The following HCN1 variants were observed in gnomAD, a reference collection of about 807,000 sequenced individuals.
The protein encoded by HCN1 is potassium/sodium hyperpolarization-activated cyclic nucleotide-gated channel 1.
HCN1 carries 13 observed loss-of-function variants against 78.9 expected under a neutral mutation model. That is an observed-to-expected ratio of 0.16 (90% confidence interval 0.11 to 0.26). The LOEUF (loss-of-function observed/expected upper bound fraction) is 0.26. Among genes scored for constraint, HCN1 ranks in the 10% least tolerant of loss-of-function variants. HCN1 has a pLI of 1.00. For missense variants in HCN1, 810 were observed against 1,154.3 expected (o/e 0.70, Z 4.32); for synonymous variants, 552 against 455.5 (o/e 1.21, Z -2.70).
chr5:45,374,924 T>C (rs906250971), intron 4 of HCN1, among the ~76,000 whole-genome samples: 1 of 144,374 alleles, frequency 6.9e-6, no homozygotes, highest in Admixed American at 7.4e-5. Flanking sequence ...AACTATACTA[T>C]AGTTCATGGA....
chr5:45,688,335 T>C (rs539920816), intron 1 of HCN1, among the ~76,000 whole-genome samples: 143 of 152,120 alleles, frequency 9.4e-4, no homozygotes, highest in Non-Finnish European at 1.6e-3. Context: ...ACTGAATTCC[T>C]GGCCCAGTTC....
At chr5:45,605,288 T>C (rs1744700948) in intron 2 of HCN1, among the ~76,000 whole-genome samples, 1 of 152,000 alleles carries the variant, frequency 6.6e-6, no homozygotes, top group African/African-American at 2.4e-5. Context: ...AAAACATTCA[T>C]GTCTTTAACT....
intron 6 of HCN1, among the ~76,000 whole-genome samples, chr5:45,289,324 A>T (rs1745328582): frequency 6.6e-6 from 1 of 152,044 alleles, no homozygotes; most frequent in Admixed American, 6.6e-5. Flanking sequence ...AGGTGAGTGG[A>T]GAATGAAAGT....
chr5:45,336,392 C>T (rs1028347209), intron 5 of HCN1, among the ~76,000 whole-genome samples: 8 of 152,048 alleles, frequency 5.3e-5, no homozygotes, highest in African/African-American at 1.7e-4. Flanking sequence ...TATTTTAGTG[C>T]ACAGTGGAAT....
intron 4 of HCN1, among the ~76,000 whole-genome samples, chr5:45,372,112 T>C (rs1393308193): frequency 3.4e-5 from 2 of 58,536 alleles, no homozygotes; most frequent in Non-Finnish European, 5.3e-5. Context: ...ATATATAATA[T>C]AATTATATAT....
chr5:45,314,824 T>A (rs927651548), intron 5 of HCN1, among the ~76,000 whole-genome samples: 10 of 152,252 alleles, frequency 6.6e-5, no homozygotes, highest in African/African-American at 2.2e-4. Flanking sequence ...AGAAGGCCAT[T>A]ACATAATGGT....
At chr5:45,322,342 G>A (rs1168452616) in intron 5 of HCN1, among the ~76,000 whole-genome samples, 1 of 151,670 alleles carries the variant, frequency 6.6e-6, no homozygotes, top group Non-Finnish European at 1.5e-5. Flanking sequence ...AGGGTCCACT[G>A]GTCTAAATGT....
At chr5:45,636,054 C>G (rs1745352238) in intron 2 of HCN1, among the ~76,000 whole-genome samples, 1 of 152,076 alleles carries the variant, frequency 6.6e-6, no homozygotes, top group Admixed American at 6.6e-5. Flanking sequence ...GTATATTTAA[C>G]ATTTTCATCA....
chr5:45,540,487 C>A (rs1013263972), intron 2 of HCN1, among the ~76,000 whole-genome samples: 12 of 151,958 alleles, frequency 7.9e-5, no homozygotes, highest in Non-Finnish European at 1.3e-4. Flanking sequence ...CAACACCATG[C>A]CTGGCTAATT....
intron 5 of HCN1, among the ~76,000 whole-genome samples, chr5:45,321,167 C>A (rs948226546): frequency 1.3e-5 from 2 of 151,740 alleles, no homozygotes; most frequent in Non-Finnish European, 2.9e-5. Context: ...GATCTCCCTA[C>A]ACAGCCCCCA....
chr5:45,410,656 C>G (rs934031987), intron 3 of HCN1, among the ~76,000 whole-genome samples: 1 of 152,038 alleles, frequency 6.6e-6, no homozygotes, highest in African/African-American at 2.4e-5. Flanking sequence ...ATAAATAAAG[C>G]TTCAATTACA....
At position 45,294,328 on chromosome 5, in the gene HCN1, C is replaced by T. The variant is rs1480489573; in HGVS notation, c.1618+9271G>A. Among the ~76,000 whole-genome samples the T allele has an allele frequency of 2.0e-5, 3 of 152,010 alleles. No homozygotes were observed. The East Asian group carries it at 5.8e-4, about 29-fold the overall frequency. The stretch of plus-strand genomic sequence containing the variant: ...TAAAAATCCTAAATACATACATTAA[C>T]TCTGTAAAGTATCTGCCAGTCCCTT... On this transcript the variant is annotated intron_variant, in intron 6 of 7. Coordinates refer to ENST00000303230, the MANE Select transcript of HCN1 (RefSeq NM_021072.4).
chr5:45,325,847 A>G (rs994038864), intron 5 of HCN1, among the ~76,000 whole-genome samples: 4 of 151,722 alleles, frequency 2.6e-5, no homozygotes, highest in Admixed American at 6.6e-5. Context: ...TATTTGCACT[A>G]TAATCTGTCT....
chr5:45,406,929 A>G (rs1464423583), intron 3 of HCN1, among the ~76,000 whole-genome samples: 1 of 152,178 alleles, frequency 6.6e-6, no homozygotes, highest in Non-Finnish European at 1.5e-5. Context: ...CTTTTAATGA[A>G]TTCTTCTTTC....
At chr5:45,629,278 C>G (rs965717043) in intron 2 of HCN1, among the ~76,000 whole-genome samples, 4 of 151,918 alleles carry the variant, frequency 2.6e-5, no homozygotes, top group African/African-American at 9.7e-5. Context: ...AACTGTGAGA[C>G]CAAGCAGTCA....
chr5:45,309,550 A>T (rs1745810081), intron 5 of HCN1, among the ~76,000 whole-genome samples: 1 of 152,128 alleles, frequency 6.6e-6, no homozygotes, highest in South Asian at 2.1e-4. Flanking sequence ...TTCAATACCT[A>T]ATTTATTAAC....
intron 1 of HCN1, among the ~76,000 whole-genome samples, chr5:45,688,712 CA>C (rs1739853079): frequency 6.6e-6 from 1 of 151,790 alleles, no homozygotes; most frequent in African/African-American, 2.4e-5. Flanking sequence ...TTACAATAAC[CA>C]AAAAGCAGAA....
Position 45,368,666 on chromosome 5 carries a change from T to C in HCN1, c.1231-15420A>G, listed in dbSNP as rs1426159890. On this transcript the variant is annotated intron_variant, in intron 4 of 7. Coordinates refer to ENST00000303230, the MANE Select transcript of HCN1 (RefSeq NM_021072.4). ...TTGGGTGTGTACTGAAGATTTAACA[T>C]TTAACGCATCCAAAGCTGAAATCCT... Among the ~76,000 whole-genome samples, 6 of 152,024 alleles carry C rather than the reference T, an allele frequency of 3.9e-5. No individual in the cohort carries two copies. In the Admixed American group the frequency reaches 3.9e-4, roughly 10 times the overall value.
chr5:45,549,317 T>C (rs1317438966), intron 2 of HCN1, among the ~76,000 whole-genome samples: 1 of 149,864 alleles, frequency 6.7e-6, no homozygotes, highest in African/African-American at 2.5e-5. Context: ...CAATGGAACA[T>C]AACAGAGCCC....
Sources: allele counts gnomAD v4.1 joint callset (sites outside exome capture counted in the v4.1 genomes callset), GRCh38; gene constraint gnomAD v4.1.1; transcripts MANE v1.5; gene names NCBI Gene and HGNC (gene_info 2026-07-23, HGNC 2026-07-21).